Variants in IL1RAPL1 observed in about 807,000 individuals in gnomAD.
IL1RAPL1 encodes interleukin-1 receptor accessory protein-like 1.
IL1RAPL1 carries 3 observed loss-of-function variants against 48.4 expected under a neutral mutation model. The ratio of observed to expected loss-of-function variants is 0.06; its 90% CI spans 0.03 to 0.16. The LOEUF (loss-of-function observed/expected upper bound fraction) is 0.16. IL1RAPL1 is among the 10% of genes least tolerant of loss of function. The pLI, the probability that IL1RAPL1 is intolerant of heterozygous loss-of-function variation, is 1.00. For missense variants in IL1RAPL1, 349 were observed against 530.6 expected (o/e 0.66, Z 3.36); for synonymous variants, 185 against 187.7 (o/e 0.99, Z 0.12).
chrX:29,462,217 C>T (rs1036777011), intron 5 of IL1RAPL1, among the ~76,000 whole-genome samples: 1 of 111,334 alleles, frequency 9.0e-6, no homozygotes, highest in African/African-American at 3.3e-5. Flanking sequence ...CAGAAGGAAA[C>T]TTTTTACAGT....
chrX:29,342,008 C>T (rs1156594425), intron 3 of IL1RAPL1, among the ~76,000 whole-genome samples: 1 of 109,789 alleles, frequency 9.1e-6, no homozygotes, highest in Non-Finnish European at 1.9e-5. Flanking sequence ...GGGGTTTCAC[C>T]ATGTTGGCCA....
At chrX:29,715,380 A>T (rs1401445912) in intron 6 of IL1RAPL1, among the ~76,000 whole-genome samples, 8 of 111,424 alleles carry the variant, frequency 7.2e-5, no homozygotes. Context: ...TTCCAAAGTG[A>T]TGCTAATGCT....
intron 5 of IL1RAPL1, among the ~76,000 whole-genome samples, chrX:29,568,039 G>T (rs1922464788): frequency 9.1e-6 from 1 of 109,620 alleles, no homozygotes; most frequent in African/African-American, 3.3e-5. Flanking sequence ...ATATTATATT[G>T]TATGGTATAT....
chrX:28,857,174 G>T (rs1921825542), intron 2 of IL1RAPL1, among the ~76,000 whole-genome samples: 1 of 111,986 alleles, frequency 8.9e-6, no homozygotes, highest in Non-Finnish European at 1.9e-5. Flanking sequence ...TAAGAAGTGA[G>T]GAAGCTGCAG....
chrX:28,899,257 A>G lies in IL1RAPL1; in HGVS notation c.82+109832A>G, dbSNP rs73631625. ...ACCTCTACCCGGTCTCTCCTTTCACATGTGGGGATTATAATTCAAGATGAT... is the reference window on the plus strand; with the variant it reads ...ACCTCTACCCGGTCTCTCCTTTCACGTGTGGGGATTATAATTCAAGATGAT... On this transcript the variant is annotated intron_variant, in intron 2 of 10. Coordinates refer to ENST00000378993, the MANE Select transcript of IL1RAPL1 (RefSeq NM_014271.4). 9.8e-3 allele frequency among the ~76,000 whole-genome samples: 1,087 copies of G among 111,426 alleles called. 11 individuals carry two copies. The highest frequency in any genetic ancestry group is 0.033 in the African/African-American group (1,016 of 30,640).
intron 2 of IL1RAPL1, among the ~76,000 whole-genome samples, chrX:28,860,553 G>A (rs1402875219): frequency 9.3e-6 from 1 of 107,964 alleles, no homozygotes; most frequent in East Asian, 2.9e-4. Context: ...CACCTCCTGG[G>A]TTCAAGCAAT....
intron 5 of IL1RAPL1, among the ~76,000 whole-genome samples, chrX:29,562,330 A>G (rs1329797042): frequency 9.0e-6 from 1 of 110,573 alleles, no homozygotes; most frequent in Non-Finnish European, 1.9e-5. Context: ...AAAAGGAGTC[A>G]TAGACCATCA....
At chrX:29,332,646 TTATTTTA>T (rs1932898186) in intron 3 of IL1RAPL1, among the ~76,000 whole-genome samples, 10 of 98,627 alleles carry the variant, frequency 1.0e-4, no homozygotes, top group African/African-American at 3.7e-4. Flanking sequence ...ATTTATTTAT[TTATTTTA>T]TTTTTTTTTT....
At chrX:29,357,010 C>T (rs1933313939) in intron 3 of IL1RAPL1, among the ~76,000 whole-genome samples, 1 of 111,497 alleles carries the variant, frequency 9.0e-6, no homozygotes, top group Non-Finnish European at 1.9e-5. Context: ...GCTGATAAAC[C>T]TTTATTATTA....
intron 6 of IL1RAPL1, among the ~76,000 whole-genome samples, chrX:29,873,521 C>G (rs907837716): frequency 2.7e-5 from 3 of 111,356 alleles, no homozygotes; most frequent in Non-Finnish European, 5.7e-5. Context: ...TGTTAGACCC[C>G]CCACTTCCGC....
chrX:29,584,635 C>T (rs1458770674), intron 5 of IL1RAPL1, among the ~76,000 whole-genome samples: 1 of 111,438 alleles, frequency 9.0e-6, no homozygotes, highest in Non-Finnish European at 1.9e-5. Flanking sequence ...CTCACTGCAG[C>T]ATGGACCTCC....
chrX:28,861,905 A>G (rs985425441), intron 2 of IL1RAPL1, among the ~76,000 whole-genome samples: 1 of 111,188 alleles, frequency 9.0e-6, no homozygotes, highest in Non-Finnish European at 1.9e-5. Flanking sequence ...ATAGAATAAT[A>G]TACTTAGAGG....
chrX:29,833,136 G>A (rs1930919247), intron 6 of IL1RAPL1, among the ~76,000 whole-genome samples: 1 of 111,494 alleles, frequency 9.0e-6, no homozygotes, highest in Admixed American at 9.5e-5. Flanking sequence ...TGGTGGTGTT[G>A]ATTTTAAAAT....
chrX:29,125,367 G>T (rs1163601751), intron 2 of IL1RAPL1, among the ~76,000 whole-genome samples: 7 of 111,841 alleles, frequency 6.3e-5, no homozygotes, highest in East Asian at 2.8e-4. Context: ...CTAAGTAAAT[G>T]ACTTTAAGAT....
intron 5 of IL1RAPL1, among the ~76,000 whole-genome samples, chrX:29,584,250 C>T (rs1923079752): frequency 9.0e-6 from 1 of 111,519 alleles, no homozygotes; most frequent in Non-Finnish European, 1.9e-5. Context: ...ATCACTACAG[C>T]AATTCTCCTT....
intron 6 of IL1RAPL1, among the ~76,000 whole-genome samples, chrX:29,826,812 G>T (rs1011154361): frequency 9.0e-6 from 1 of 111,705 alleles, no homozygotes; most frequent in African/African-American, 3.3e-5. Context: ...TTATTTCAGT[G>T]GTTTGGTTTT....
intron 2 of IL1RAPL1, among the ~76,000 whole-genome samples, chrX:29,175,533 G>A (rs765149967): frequency 9.0e-6 from 1 of 110,974 alleles, no homozygotes; most frequent in Non-Finnish European, 1.9e-5. Flanking sequence ...ATTTAGAAAC[G>A]ACATGGAGTA....
intron 5 of IL1RAPL1, among the ~76,000 whole-genome samples, chrX:29,634,108 C>T (rs370562296): frequency 2.1e-4 from 23 of 111,809 alleles, no homozygotes; most frequent in African/African-American, 7.1e-4. Flanking sequence ...TTTGAAAGAT[C>T]GTGAGTCGAT....
intron 2 of IL1RAPL1, among the ~76,000 whole-genome samples, chrX:28,945,332 A>G (rs1369115693): frequency 9.0e-6 from 1 of 111,523 alleles, no homozygotes; most frequent in Admixed American, 9.6e-5. Flanking sequence ...TTACAATAGC[A>G]AAGACATGGA....
Sources: allele counts gnomAD v4.1 joint callset (sites outside exome capture counted in the v4.1 genomes callset), GRCh38; gene constraint gnomAD v4.1.1; transcripts MANE v1.5; gene names NCBI Gene and HGNC (gene_info 2026-07-23, HGNC 2026-07-21).